The following TTC7A variants were observed in gnomAD, a reference collection of about 807,000 sequenced individuals.
TTC7A encodes the protein tetratricopeptide repeat protein 7A.
Under a neutral mutation model 103.7 loss-of-function variants are expected in TTC7A, and 110 were observed. The ratio of observed to expected loss-of-function variants is 1.06; its 90% CI spans 0.91 to 1.24. The LOEUF (loss-of-function observed/expected upper bound fraction) is 1.24, where lower values mean the gene tolerates loss of function less well. Among genes scored for constraint, TTC7A ranks in the 50% most tolerant of loss-of-function variants. The pLI, the probability that TTC7A is intolerant of heterozygous loss-of-function variation, is 0.00. For missense variants in TTC7A, 1,340 were observed against 1,116.3 expected (o/e 1.20, Z -2.86); for synonymous variants, 521 against 467.9 (o/e 1.11, Z -1.47).
chr2:47,006,198 C>A, intron 9 of TTC7A, 139 bp downstream of exon 9: 1 of 1,166,004 alleles, frequency 8.6e-7, no homozygotes, highest in Non-Finnish European at 1.2e-6. Context: ...GCAAGTTGTA[C>A]AAGTCTCAGC....
At chr2:47,053,694 C>G (rs1683089581) in intron 18 of TTC7A, among the ~76,000 whole-genome samples, 1 of 152,156 alleles carries the variant, frequency 6.6e-6, no homozygotes, top group Admixed American at 6.5e-5. Flanking sequence ...ACCTCAGCCT[C>G]CTGAGTAGCT....
chr2:47,038,432 G>T (rs1474602001), intron 15 of TTC7A, among the ~76,000 whole-genome samples: 1 of 152,158 alleles, frequency 6.6e-6, no homozygotes, highest in Non-Finnish European at 1.5e-5. Context: ...TGGCCTCCTG[G>T]CCAAGGAATT....
chr2:46,972,929 G>A (rs1195198580), intron 3 of TTC7A, among the ~76,000 whole-genome samples: 4 of 152,198 alleles, frequency 2.6e-5, no homozygotes, highest in Non-Finnish European at 4.4e-5. Flanking sequence ...AGCACCAGGA[G>A]GGTGGATGTT....
chr2:47,042,604 A>G (rs1681872098), intron 15 of TTC7A, among the ~76,000 whole-genome samples: 1 of 152,186 alleles, frequency 6.6e-6, no homozygotes, highest in Non-Finnish European at 1.5e-5. Context: ...AAAATATGCC[A>G]AAGTATATTT....
intron 2 of TTC7A, among the ~76,000 whole-genome samples, chr2:46,951,998 T>C (rs1256161233): frequency 6.6e-6 from 1 of 152,220 alleles, no homozygotes; most frequent in Non-Finnish European, 1.5e-5. Flanking sequence ...GTAATGGCAG[T>C]ACTAGAATTG....
At position 47,056,176 on chromosome 2, in the gene TTC7A, A is replaced by C. The variant is rs140954840; in HGVS notation, c.2152+4296A>C. On this transcript the variant is annotated intron_variant, in intron 18 of 19. Coordinates refer to ENST00000319190, the MANE Select transcript of TTC7A (RefSeq NM_020458.4). ...TGTTGGCCTGGGCGTTCTCCATTCT[A>C]GTCCCCTTGATCTTCACTCTCCTTC... 3.6e-3 allele frequency among the ~76,000 whole-genome samples: 549 copies of C among 152,244 alleles called. 3 individuals carry two copies. Among genetic ancestry groups the C allele is most frequent in the African/African-American group, 0.013 (532 of 41,530 alleles).
chr2:47,017,295 G>A (rs570870284), intron 11 of TTC7A, among the ~76,000 whole-genome samples: 1 of 151,118 alleles, frequency 6.6e-6, no homozygotes, highest in Non-Finnish European at 1.5e-5. Flanking sequence ...GGGAAGGGTC[G>A]CTTGAGCCCA....
chr2:47,031,964 C>T (rs1384848397), intron 15 of TTC7A, among the ~76,000 whole-genome samples: 2 of 152,214 alleles, frequency 1.3e-5, no homozygotes, highest in Admixed American at 6.5e-5. Flanking sequence ...CGTTCATCTT[C>T]CCAGGCTCTT....
chr2:46,923,039 G>C (rs1669186881), intron 2 of TTC7A, among the ~76,000 whole-genome samples: 1 of 152,170 alleles, frequency 6.6e-6, no homozygotes, highest in Non-Finnish European at 1.5e-5. Flanking sequence ...GAGATACATA[G>C]GGTGAGGTCT....
At chr2:47,061,135 A>G (rs1457556088) in intron 19 of TTC7A, among the ~76,000 whole-genome samples, 164 bp downstream of exon 19, 1 of 152,154 alleles carries the variant, frequency 6.6e-6, no homozygotes, top group African/African-American at 2.4e-5. Context: ...CTGTTGGAAG[A>G]GACAGTTCTT....
Position 47,007,146 on chromosome 2 carries a change from G to A in TTC7A, c.1287+422G>A, listed in dbSNP as rs1192602750. Among the ~76,000 whole-genome samples, 2 of 152,094 alleles carry A rather than the reference G, an allele frequency of 1.3e-5. No individual in the cohort carries two copies. The highest frequency in any genetic ancestry group is 4.8e-5 in the African/African-American group (2 of 41,386). On this transcript the variant is annotated intron_variant, in intron 10 of 19. Transcript: ENST00000319190. The surrounding 1 kb of genome is among the most constrained non-coding windows in gnomAD (Gnocchi z 4.9). ...TGCTTGTGGACTGGAGACTTGCCTC[G>A]GAGGGGAAGCTTAAAGGGCAGAGCA...
chr2:47,070,868 T>C (rs944506022), intron 19 of TTC7A, among the ~76,000 whole-genome samples: 3 of 152,178 alleles, frequency 2.0e-5, no homozygotes, highest in Non-Finnish European at 4.4e-5. Context: ...TTCGAATCCC[T>C]GTGGGCTGGC....
chr2:47,058,743 G>A (rs1422202557), intron 18 of TTC7A, among the ~76,000 whole-genome samples: 2 of 152,210 alleles, frequency 1.3e-5, no homozygotes, highest in Non-Finnish European at 2.9e-5. Flanking sequence ...CAGTGAGGCC[G>A]AAGAGCCGCG....
chr2:46,980,958 C>T (rs11685605), intron 5 of TTC7A, among the ~76,000 whole-genome samples: 49,454 of 152,112 alleles, frequency 0.33, 9,242 homozygotes, highest in East Asian at 0.67. Flanking sequence ...ATGCGGAAGG[C>T]ATGCGGAGCG....
chr2:46,966,351 GACTTAGC>G (rs1236461631), intron 3 of TTC7A, among the ~76,000 whole-genome samples: 1 of 152,206 alleles, frequency 6.6e-6, no homozygotes, highest in African/African-American at 2.4e-5. Context: ...TGCGGAAACA[GACTTAGC>G]ACTCTGTGAA....
intron 3 of TTC7A, among the ~76,000 whole-genome samples, chr2:46,959,612 A>G (rs1270033435): frequency 6.6e-6 from 1 of 152,140 alleles, no homozygotes; most frequent in Non-Finnish European, 1.5e-5. Context: ...CCCACCCTCA[A>G]AAGACATAAA....
chr2:47,028,454 G>C (rs943711449), intron 14 of TTC7A, among the ~76,000 whole-genome samples: 1 of 152,188 alleles, frequency 6.6e-6, no homozygotes, highest in Non-Finnish European at 1.5e-5. Context: ...GCCCCTCCTG[G>C]GCTCACTGAC....
chr2:47,035,609 C>G (rs949621291), intron 15 of TTC7A: 1 of 152,182 alleles, frequency 6.6e-6, no homozygotes, highest in Non-Finnish European at 1.5e-5. Context: ...GTAGATGACA[C>G]AGGTTGTTTT....
At chr2:46,942,246 C>T (rs998592289) in intron 1 of TTC7A, among the ~76,000 whole-genome samples, 1 of 152,162 alleles carries the variant, frequency 6.6e-6, no homozygotes, top group Admixed American at 6.5e-5. Flanking sequence ...GTGGCGATCT[C>T]GGGACACATC....
Sources: gnomAD v4.1 joint callset for allele counts (sites outside exome capture counted in the v4.1 genomes callset) on GRCh38, gnomAD v4.1.1 for gene constraint, Gnocchi (gnomAD v3.1) non-coding constraint, MANE v1.5 for transcripts, NCBI Gene and HGNC (gene_info 2026-07-23, HGNC 2026-07-21) for gene names.